FRMD4A: variants seen among roughly 807,000 people sequenced by gnomAD.
FRMD4A encodes FERM domain containing 4A.
In FRMD4A, 29 loss-of-function variants were observed where a neutral mutation model predicts 129.1. That is an observed-to-expected ratio of 0.22 (90% confidence interval 0.17 to 0.31). The LOEUF is 0.31. Ranked by LOEUF, FRMD4A falls within the 10% of genes least tolerant of loss-of-function variation. FRMD4A has a pLI of 1.00. For missense variants in FRMD4A, 1,272 were observed against 1,375.8 expected (o/e 0.92, Z 1.19); for synonymous variants, 634 against 571.6 (o/e 1.11, Z -1.56).
chr10:14,030,226 T>C (rs2131660756), intron 2 of FRMD4A, among the ~76,000 whole-genome samples: 1 of 152,278 alleles, frequency 6.6e-6, no homozygotes, highest in Admixed American at 6.5e-5. Context: ...CTACTTGAAA[T>C]TTGCTGAGAG....
chr10:13,968,613 C>T (rs923626755), intron 2 of FRMD4A, among the ~76,000 whole-genome samples: 6 of 152,128 alleles, frequency 3.9e-5, no homozygotes, highest in South Asian at 2.1e-4. Flanking sequence ...CCACCATGCC[C>T]GGCTAATTTT....
chr10:13,655,678 C>A lies in FRMD4A; in HGVS notation c.2953+958G>T, dbSNP rs183902865. ...CCTACAGTTCCCCAAAGATGAACCC[C>A]CCATTATCTCAGGTCACTCTGTTTC... On this transcript the variant is annotated intron_variant, in intron 22 of 24. Transcript: ENST00000357447. 3.3e-5 allele frequency: 5 copies of A among 152,288 alleles called. No individual in the cohort carries two copies. The East Asian group carries it at 7.7e-4, about 23-fold the overall frequency. 9.4% of individuals were successfully genotyped at this position (152,288 alleles called of 1,614,324 possible). A position where few individuals can be genotyped will look rare whatever the true frequency, so the allele number is the denominator to read the frequency against.
At chr10:13,782,731 C>T (rs955286062) in intron 6 of FRMD4A, among the ~76,000 whole-genome samples, 191 bp downstream of exon 6, 4 of 152,200 alleles carry the variant, frequency 2.6e-5, no homozygotes, top group African/African-American at 4.8e-5. Context: ...CGTGAGCCAG[C>T]GCGCCGGGTC....
intron 12 of FRMD4A, among the ~76,000 whole-genome samples, chr10:13,713,999 C>T (rs1192615335): frequency 1.0e-4 from 3 of 28,974 alleles, no homozygotes; most frequent in East Asian, 1.4e-3. Context: ...ATATAATATA[C>T]ATATATAATA....
intron 2 of FRMD4A, among the ~76,000 whole-genome samples, chr10:13,884,100 AG>A (rs2094576483): frequency 9.8e-6 from 1 of 101,956 alleles, no homozygotes; most frequent in South Asian, 3.6e-4. Context: ...GCAATGGAAA[AG>A]AAACACACAC....
intron 12 of FRMD4A, chr10:13,729,468 G>A (rs1337402801): frequency 6.6e-6 from 1 of 152,142 alleles, no homozygotes; most frequent in Non-Finnish European, 1.5e-5. Context: ...AATTTAGCGG[G>A]GCAATGCCGC....
chr10:14,263,707 G>A (rs1042968884), intron 2 of FRMD4A, among the ~76,000 whole-genome samples: 1 of 152,114 alleles, frequency 6.6e-6, no homozygotes, highest in Non-Finnish European at 1.5e-5. Flanking sequence ...GCAGGGTTAG[G>A]GCACAAGCAG....
At chr10:13,650,162 G>A (rs2081435804) in intron 24 of FRMD4A, among the ~76,000 whole-genome samples, 1 of 152,230 alleles carries the variant, frequency 6.6e-6, no homozygotes, top group South Asian at 2.1e-4. Flanking sequence ...GTTTATAACT[G>A]CTTGGCATAG....
At position 14,033,839 on chromosome 10, in the gene FRMD4A, G is replaced by T. The variant is rs1427816931; in HGVS notation, c.46-174927C>A. Among the ~76,000 whole-genome samples the T allele has an allele frequency of 2.7e-5, 4 of 150,876 alleles. No homozygotes were observed. In the South Asian group the frequency reaches 8.4e-4, roughly 32 times the overall value. ...AAGAAAAGAAAGAAAAAAAAGAAAA[G>T]AAAAGAAAAAAGAAAAGAAAAGAAG... On this transcript the variant is annotated intron_variant, in intron 2 of 24. Coordinates refer to ENST00000357447, the MANE Select transcript of FRMD4A (RefSeq NM_018027.5).
intron 2 of FRMD4A, among the ~76,000 whole-genome samples, chr10:14,143,658 A>G (rs1839943537): frequency 6.6e-6 from 1 of 152,198 alleles, no homozygotes; most frequent in Admixed American, 6.5e-5. Flanking sequence ...TCTGTCGCCC[A>G]GGGTGGAGTG....
intron 2 of FRMD4A, among the ~76,000 whole-genome samples, chr10:14,210,670 A>G (rs1300676539): frequency 1.3e-5 from 2 of 152,142 alleles, no homozygotes; most frequent in African/African-American, 4.8e-5. Flanking sequence ...AGCATCTCCA[A>G]TAGCCGCACT....
At chr10:14,172,825 A>C (rs1841544899) in intron 2 of FRMD4A, among the ~76,000 whole-genome samples, 1 of 152,224 alleles carries the variant, frequency 6.6e-6, no homozygotes, top group African/African-American at 2.4e-5. Flanking sequence ...GGGATCTCAA[A>C]GATCTGCCAG....
intron 2 of FRMD4A, among the ~76,000 whole-genome samples, chr10:14,132,923 G>A (rs996562808): frequency 2.0e-5 from 3 of 152,204 alleles, no homozygotes; most frequent in African/African-American, 4.8e-5. Context: ...AATATTTCCT[G>A]GTGCCATTAG....
chr10:14,139,476 G>A (rs186851651), intron 2 of FRMD4A, among the ~76,000 whole-genome samples: 1 of 151,762 alleles, frequency 6.6e-6, no homozygotes, highest in Admixed American at 6.6e-5. Context: ...TTGAGACAGG[G>A]TCTCACTCTG....
chr10:13,779,743 C>T (rs373701460), intron 6 of FRMD4A, among the ~76,000 whole-genome samples: 27 of 151,798 alleles, frequency 1.8e-4, no homozygotes, highest in African/African-American at 6.5e-4. Context: ...TGCATTTTGG[C>T]CTCCAAATTA....
chr10:13,775,359 G>A (rs1308000531), intron 6 of FRMD4A, among the ~76,000 whole-genome samples: 1 of 152,160 alleles, frequency 6.6e-6, no homozygotes, highest in East Asian at 1.9e-4. Context: ...AGCCCAAGGG[G>A]GTGTCACATA....
intron 2 of FRMD4A, among the ~76,000 whole-genome samples, chr10:13,967,576 A>C (rs2095493205): frequency 6.6e-6 from 1 of 152,182 alleles, no homozygotes; most frequent in Non-Finnish European, 1.5e-5. Context: ...AAAGCAGCTA[A>C]CATGGATTGG....
intron 2 of FRMD4A, among the ~76,000 whole-genome samples, chr10:14,100,353 C>T (rs532185471): frequency 2.0e-5 from 3 of 152,242 alleles, no homozygotes; most frequent in African/African-American, 7.2e-5. Flanking sequence ...AAAAAAACAC[C>T]TAGAAAAACT....
intron 2 of FRMD4A, among the ~76,000 whole-genome samples, chr10:14,111,988 GGGAA>G (rs1837933091): frequency 8.1e-6 from 1 of 123,654 alleles, no homozygotes; most frequent in Non-Finnish European, 1.7e-5. Flanking sequence ...GAGGAAGGCA[GGGAA>G]GGAAGGGAGG....
Sources: gnomAD v4.1 joint callset for allele counts (sites outside exome capture counted in the v4.1 genomes callset) on GRCh38, gnomAD v4.1.1 for gene constraint, MANE v1.5 for transcripts, NCBI Gene and HGNC (gene_info 2026-07-23, HGNC 2026-07-21) for gene names.